The following MTDH variants were observed in gnomAD, a reference collection of about 807,000 sequenced individuals.
The protein encoded by MTDH is metadherin, also known as protein LYRIC.
MTDH carries 34 observed loss-of-function variants against 72.7 expected under a neutral mutation model. The ratio of observed to expected loss-of-function variants is 0.47; its 90% CI spans 0.36 to 0.62. The LOEUF is 0.62. Ranked by LOEUF, MTDH falls within the 20% of genes least tolerant of loss-of-function variation. MTDH has a pLI of 0.00. For missense variants in MTDH, 677 were observed against 699.4 expected (o/e 0.97, Z 0.36); for synonymous variants, 266 against 268.9 (o/e 0.99, Z 0.10).
At chr8:97,645,014 T>C (rs1269666155) in intron 1 of MTDH, 127 bp downstream of exon 1, 1 of 1,084,850 alleles carries the variant, frequency 9.2e-7, no homozygotes, top group South Asian at 1.9e-5. Context: ...GAGGCAGCAC[T>C]CCCAAGTGGA....
chr8:97,645,882 C>T (rs1208168006), intron 1 of MTDH, among the ~76,000 whole-genome samples: 2 of 152,024 alleles, frequency 1.3e-5, no homozygotes, highest in African/African-American at 4.8e-5. Flanking sequence ...TTATATCCAG[C>T]GAATTAAGAT....
intron 2 of MTDH, among the ~76,000 whole-genome samples, chr8:97,664,825 G>T (rs1351583939): frequency 6.7e-6 from 1 of 149,998 alleles, no homozygotes; most frequent in Non-Finnish European, 1.5e-5. Flanking sequence ...GCAATGGCAC[G>T]ATCTCAGCTC....
At position 97,713,822 on chromosome 8, in the gene MTDH, A is replaced by C. The variant is rs561495161; in HGVS notation, c.1380+53A>C. 10 of 1,048,982 alleles carry C rather than the reference A, an allele frequency of 9.5e-6. No homozygotes were observed. In the East Asian group the frequency reaches 2.3e-4, roughly 25 times the overall value. The allele number at this position is 1,048,982 out of a possible 1,614,324, so 65.0% of individuals were successfully genotyped here. A position where few individuals can be genotyped will look rare whatever the true frequency, so the allele number is the denominator to read the frequency against. ...TTAAGCGCCTCCGGCTTAAAATGTGAAAAGATTATGTACAGATGTTAAAAA... is the reference window on the plus strand; with the variant it reads ...TTAAGCGCCTCCGGCTTAAAATGTGCAAAGATTATGTACAGATGTTAAAAA... On this transcript the variant is annotated intron_variant, in intron 9 of 11. Coordinates refer to ENST00000336273, the MANE Select transcript of MTDH (RefSeq NM_178812.4).
chr8:97,653,024 CAG>C (rs1290666924), intron 1 of MTDH, among the ~76,000 whole-genome samples: 6 of 151,504 alleles, frequency 4.0e-5, no homozygotes, highest in South Asian at 2.1e-4. Context: ...GAGGCTGAGA[CAG>C]GGGAATCGCT....
intron 8 of MTDH, among the ~76,000 whole-genome samples, chr8:97,708,581 CTTTTTTTTTTTTTTTTTTTTTT>C (rs1174573079): frequency 9.9e-5 from 3 of 30,238 alleles, no homozygotes; most frequent in African/African-American, 4.9e-4. Flanking sequence ...CATGCCAGGC[CTTTTTTTTTTTTTTTTTTTTTT>C]TTTTTTTTTT....
chr8:97,666,655 A>T (rs557881780), intron 2 of MTDH, among the ~76,000 whole-genome samples: 1 of 152,200 alleles, frequency 6.6e-6, no homozygotes, highest in East Asian at 1.9e-4. Flanking sequence ...CTGGCTCCTT[A>T]TCATGAACCA....
At position 97,706,666 on chromosome 8, in the gene MTDH, A is replaced by T. The variant is rs1814366004; in HGVS notation, c.1188A>T (p.Ala396=). 3 of 1,613,748 alleles carry T rather than the reference A, an allele frequency of 1.9e-6. No individual in the cohort carries two copies. The highest frequency in any genetic ancestry group is 2.5e-6 in the Non-Finnish European group (3 of 1,179,778). ...SSADPNSDWN[A]PAEEWGNWVD... is the part of the protein sequence containing the mutation. ...CTGATCCCAACTCTGATTGGAATGC[A>T]CCAGCAGAAGAGTGGGGCAATTGGG... Residue 396 remains alanine (A), a synonymous_variant, in exon 8 of 12, where the codon GCA becomes GCT. Coordinates refer to ENST00000336273, the MANE Select transcript of MTDH (RefSeq NM_178812.4).
At chr8:97,665,475 G>A (rs1022122249) in intron 2 of MTDH, among the ~76,000 whole-genome samples, 8 of 152,140 alleles carry the variant, frequency 5.3e-5, no homozygotes, top group African/African-American at 1.9e-4. Flanking sequence ...TTACAGGCTA[G>A]TTAAGGAAAG....
chr8:97,710,683 CAAAAAAAAAAAAAAA>C (rs376391821), intron 8 of MTDH, among the ~76,000 whole-genome samples: 1 of 53,110 alleles, frequency 1.9e-5, no homozygotes, highest in African/African-American at 8.1e-5. Context: ...GAGACTATCT[CAAAAAAAAAAAAAAA>C]AAAAAAAAAA....
At position 97,670,204 on chromosome 8, in the gene MTDH, T is replaced by C. The variant is rs532133421; in HGVS notation, c.483+9031T>C. On this transcript the variant is annotated intron_variant, in intron 2 of 11. Coordinates refer to ENST00000336273, the MANE Select transcript of MTDH (RefSeq NM_178812.4). ...GTGGCACGCCGCCTGTAGTCCCAGC[T>C]ATTTGGGAGGCTGAGGTGGGAGAAT... Among the ~76,000 whole-genome samples the C allele has an allele frequency of 2.6e-5, 4 of 152,208 alleles. No individual in the cohort carries two copies. The East Asian group carries it at 7.7e-4, about 29-fold the overall frequency.
At chr8:97,647,797 G>A (rs1471050556) in intron 1 of MTDH, among the ~76,000 whole-genome samples, 1 of 151,920 alleles carries the variant, frequency 6.6e-6, no homozygotes, top group Non-Finnish European at 1.5e-5. Context: ...GAAATGCTTG[G>A]GCCAGGCACA....
At chr8:97,658,486 G>T (rs1812061602) in intron 1 of MTDH, among the ~76,000 whole-genome samples, 1 of 152,180 alleles carries the variant, frequency 6.6e-6, no homozygotes, top group Non-Finnish European at 1.5e-5. Flanking sequence ...CACATAAATG[G>T]CATTGAACTT....
chr8:97,651,817 A>T (rs1811783358), intron 1 of MTDH, among the ~76,000 whole-genome samples: 1 of 152,010 alleles, frequency 6.6e-6, no homozygotes, highest in African/African-American at 2.4e-5. Context: ...ATTATCTCAA[A>T]CTTTTAACAT....
At chr8:97,697,150 A>ATATATATATTTTTTTTTTTT in intron 6 of MTDH, among the ~76,000 whole-genome samples, 4 of 68,776 alleles carry the variant, frequency 5.8e-5, no homozygotes, top group African/African-American at 9.1e-5. Context: ...ATATATATAT[A>ATATATATATTTTTTTTTTTT]TTTTTTTTTT....
chr8:97,685,850 A>G (rs1261367493), intron 2 of MTDH, among the ~76,000 whole-genome samples: 3 of 152,110 alleles, frequency 2.0e-5, no homozygotes, highest in South Asian at 2.1e-4. Flanking sequence ...TAAAAATACT[A>G]TTTTATAAAC....
intron 1 of MTDH, among the ~76,000 whole-genome samples, chr8:97,655,903 A>G (rs1444064637): frequency 3.9e-5 from 6 of 152,254 alleles, no homozygotes; most frequent in African/African-American, 1.4e-4. Context: ...GACAAAGTAT[A>G]TATTTTTCTC....
At chr8:97,697,983 G>T (rs1010982106) in intron 6 of MTDH, among the ~76,000 whole-genome samples, 1 of 152,012 alleles carries the variant, frequency 6.6e-6, no homozygotes, top group South Asian at 2.1e-4. Flanking sequence ...ATTTTATAGG[G>T]TTACTCTGTT....
chr8:97,728,743 G>A lies in MTDH; in HGVS notation c.*4073G>A, dbSNP rs1398400004. ...TTGAAACCATCCTGAGCAATAGAGA[G>A]ACCCCCATCTCGACAAAAAAAAAAA... On this transcript the variant is annotated 3_prime_UTR_variant, in exon 12 of 12. Coordinates refer to ENST00000336273, the MANE Select transcript of MTDH (RefSeq NM_178812.4). The A allele has an allele frequency of 8.0e-6, 1 of 124,572 alleles. No homozygotes were observed. Among genetic ancestry groups the A allele is most frequent in the African/African-American group, 3.2e-5 (1 of 31,232 alleles). 7.7% of individuals were successfully genotyped at this position (124,572 alleles called of 1,614,324 possible).
In MTDH at chr8:97,724,699, T is replaced by A; in HGVS notation, c.*29T>A. On this transcript the variant is annotated 3_prime_UTR_variant, in exon 12 of 12. Transcript: ENST00000336273. ...TTTTTTTCCTGAATTGGACATGTGT[T>A]TGCAAACACTTGTCTTGAAGATTAT... 6.8e-7 allele frequency: 1 copy of A among 1,474,110 alleles called. No individual in the cohort carries two copies. Among genetic ancestry groups the A allele is most frequent in the Non-Finnish European group, 9.3e-7 (1 of 1,080,128 alleles). The allele number at this position is 1,474,110 out of a possible 1,614,324, so 91.3% of individuals were successfully genotyped here.
Sources: gnomAD v4.1 joint callset for allele counts (sites outside exome capture counted in the v4.1 genomes callset) on GRCh38, gnomAD v4.1.1 for gene constraint, MANE v1.5 for transcripts, NCBI Gene and HGNC (gene_info 2026-07-23, HGNC 2026-07-21) for gene names.